Variants in OPA3 observed in about 807,000 individuals in gnomAD.
OPA3 encodes the protein optic atrophy 3 protein.
Under a neutral mutation model 4.0 loss-of-function variants are expected in OPA3, and 6 were observed. That is an observed-to-expected ratio of 1.51 (90% CI 0.83 to 2.99). The LOEUF is 2.99. Among genes scored for constraint, OPA3 ranks in the 30% most tolerant of loss-of-function variants. The pLI is 0.00. For synonymous variants in OPA3, 105 were observed against 117.1 expected, an observed-to-expected ratio of 0.90 and a Z score of 0.67; for missense variants, 235 against 256.2, an observed-to-expected ratio of 0.92 and a Z score of 0.56.
At chr19:45,533,410 G>A (rs1416908834) in intron 1 of OPA3, among the ~76,000 whole-genome samples, 1 of 151,772 alleles carries the variant, frequency 6.6e-6, no homozygotes, top group Non-Finnish European at 1.5e-5. Context: ...TAGCCAGAAT[G>A]GTCTCGATTT....
intron 1 of OPA3, among the ~76,000 whole-genome samples, chr19:45,535,821 A>G (rs1969110768): frequency 6.8e-6 from 1 of 147,248 alleles, no homozygotes; most frequent in Non-Finnish European, 1.5e-5. Flanking sequence ...CTGGAGTGCA[A>G]TAGCACAATT....
intron 1 of OPA3, among the ~76,000 whole-genome samples, chr19:45,584,012 G>A (rs1478756212): frequency 2.6e-5 from 4 of 152,172 alleles, no homozygotes; most frequent in African/African-American, 9.7e-5. Context: ...GCGTATGAGC[G>A]CATTAATGAG....
chr19:45,549,137 A>C lies in OPA3; in HGVS notation c.*4377T>G. On this transcript the variant is annotated 3_prime_UTR_variant, in exon 2 of 2. Coordinates refer to ENST00000263275, the MANE Select transcript of OPA3 (RefSeq NM_025136.4). ...CTTTTTAAATATGAAAAAAGAATGC[A>C]TCAACTTGAAGATAATCAGCTTCAT... is the stretch of plus-strand genomic sequence containing the variant. 1.0e-6 allele frequency: 1 copy of C among 985,330 alleles called. No homozygotes were observed. Among genetic ancestry groups the C allele is most frequent in the Non-Finnish European group, 1.2e-6 (1 of 829,914 alleles). 61.0% of individuals were successfully genotyped at this position (985,330 alleles called of 1,614,324 possible).
Position 45,551,737 on chromosome 19 carries a change from G to T in OPA3, c.*1777C>A. 1.0e-6 allele frequency: 1 copy of T among 985,540 alleles called. No homozygotes were observed. The highest frequency in any genetic ancestry group is 1.2e-6 in the Non-Finnish European group (1 of 829,998). 61.0% of individuals were successfully genotyped at this position (985,540 alleles called of 1,614,324 possible). On this transcript the variant is annotated 3_prime_UTR_variant, in exon 2 of 2. Transcript: ENST00000263275. ...TGCTGGCCTAATTGGTAGGATGGGG[G>T]TGGGACCGGGGGCTATGGAGGCAGG...
At chr19:45,576,200 G>A (rs1415956452) in intron 1 of OPA3, among the ~76,000 whole-genome samples, 1 of 151,618 alleles carries the variant, frequency 6.6e-6, no homozygotes, top group Non-Finnish European at 1.5e-5. Context: ...TCCAGCCTGG[G>A]CGACCATGTG....
At chr19:45,558,905 CAG>C (rs1459984799) in intron 1 of OPA3, among the ~76,000 whole-genome samples, 8 of 150,668 alleles carry the variant, frequency 5.3e-5, no homozygotes, top group South Asian at 2.1e-4. Flanking sequence ...TTTTTTGATA[CAG>C]AGTCTTGCTC....
intron 1 of OPA3, among the ~76,000 whole-genome samples, chr19:45,561,877 G>A (rs1186388163): frequency 6.6e-6 from 1 of 151,886 alleles, no homozygotes; most frequent in Non-Finnish European, 1.5e-5. Context: ...GGAGGCAGAG[G>A]CTGCAGTGAG....
chr19:45,550,171 A>G lies in OPA3; in HGVS notation c.*3343T>C. ...GACTGTCTCCGAAAGAAAAGAAAAG[A>G]AAAAAGAAGAGAAAAGAAGAAAAGA... is the stretch of plus-strand genomic sequence containing the variant. On this transcript the variant is annotated 3_prime_UTR_variant, in exon 2 of 2. Transcript: ENST00000263275. The G allele has an allele frequency of 5.1e-6, 5 of 979,410 alleles. No homozygotes were observed. The highest frequency in any genetic ancestry group is 6.1e-6 in the Non-Finnish European group (5 of 824,500). 60.7% of individuals were successfully genotyped at this position (979,410 alleles called of 1,614,324 possible).
intron 1 of OPA3, among the ~76,000 whole-genome samples, chr19:45,583,381 T>C (rs1404441015): frequency 6.6e-6 from 1 of 152,164 alleles, no homozygotes; most frequent in Non-Finnish European, 1.5e-5. Context: ...CTCCATCTTC[T>C]GACCTCGTGA....
intron 1 of OPA3, among the ~76,000 whole-genome samples, chr19:45,538,722 C>CAAA (rs3038837): frequency 5.4e-4 from 57 of 105,970 alleles, no homozygotes; most frequent in African/African-American, 1.3e-3. Flanking sequence ...GACTCCGTCT[C>CAAA]AAAAAAAAAA....
chr19:45,575,046 C>T (rs1568410217), intron 1 of OPA3, among the ~76,000 whole-genome samples: 1 of 152,080 alleles, frequency 6.6e-6, no homozygotes, highest in African/African-American at 2.4e-5. Context: ...AAGAACTGTC[C>T]GGCTGAGCCC....
At chr19:45,536,136 G>A (rs1442791439) in intron 1 of OPA3, among the ~76,000 whole-genome samples, 1 of 150,626 alleles carries the variant, frequency 6.6e-6, no homozygotes, top group African/African-American at 2.4e-5. Context: ...GGCTTAGGAA[G>A]GAGAATTGCA....
At chr19:45,553,960 G>A (rs758562282) in intron 1 of OPA3, 49 bp from the exon 2 acceptor site, 17 of 1,495,236 alleles carry the variant, frequency 1.1e-5, no homozygotes, top group Admixed American at 7.4e-5. Flanking sequence ...CCCCCTGCAA[G>A]CCCCACCCCT....
intron 1 of OPA3, among the ~76,000 whole-genome samples, chr19:45,534,349 G>A (rs543362667): frequency 3.9e-5 from 6 of 152,090 alleles, no homozygotes; most frequent in South Asian, 2.1e-4. Context: ...ATGACCTGAG[G>A]TCAGGAGTTC....
rs939458497 is a variant in OPA3 at position 45,548,090 on chromosome 19, T to G, written c.*5424A>C. 2.0e-6 allele frequency: 2 copies of G among 983,060 alleles called. No individual in the cohort carries two copies. Among genetic ancestry groups the G allele is most frequent in the African/African-American group, 3.5e-5 (2 of 57,196 alleles). The allele number at this position is 983,060 out of a possible 1,614,324, so 60.9% of individuals were successfully genotyped here. A position where few individuals can be genotyped will look rare whatever the true frequency, so the allele number is the denominator to read the frequency against. On this transcript the variant is annotated 3_prime_UTR_variant, in exon 2 of 2. Coordinates refer to ENST00000263275, the MANE Select transcript of OPA3 (RefSeq NM_025136.4). ...CCCAACTGGCTCCCAGCTACTAGAA[T>G]GGAGCCTGGTGCAGTTGATCCTCAG...
intron 1 of OPA3, among the ~76,000 whole-genome samples, chr19:45,569,437 C>T (rs980771310): frequency 2.6e-5 from 4 of 152,074 alleles, no homozygotes; most frequent in South Asian, 4.1e-4. Context: ...CCAGCCTGGG[C>T]GACAGAGCAA....
intron 1 of OPA3, among the ~76,000 whole-genome samples, chr19:45,582,254 G>T (rs1300211578): frequency 6.6e-6 from 1 of 151,792 alleles, no homozygotes; most frequent in African/African-American, 2.4e-5. Flanking sequence ...TCCATCCCCG[G>T]GTTCAAGCGA....
At chr19:45,528,194 A>C (rs1419472682) in exon 2 of OPA3, 1 of 152,440 alleles carries the variant, frequency 6.6e-6, no homozygotes, top group East Asian at 1.9e-4. Context: ...TGACCAAGTG[A>C]CTGAGCCTGA....
chr19:45,567,339 C>CAAAAAA (rs749982867), intron 1 of OPA3, among the ~76,000 whole-genome samples: 1 of 60,594 alleles, frequency 1.7e-5, no homozygotes. Flanking sequence ...GACCCTGTGT[C>CAAAAAA]AAAAAAAAAA....
Sources: allele counts gnomAD v4.1 joint callset (sites outside exome capture counted in the v4.1 genomes callset), GRCh38; gene constraint gnomAD v4.1.1; transcripts MANE v1.5; gene names NCBI Gene and HGNC (gene_info 2026-07-23, HGNC 2026-07-21).